DIS3L2: variants seen among roughly 807,000 people sequenced by gnomAD.
The protein encoded by DIS3L2 is DIS3-like exonuclease 2.
In DIS3L2, 34 loss-of-function variants were observed where a neutral mutation model predicts 97.5. The ratio of observed to expected loss-of-function variants is 0.35; its 90% confidence interval spans 0.27 to 0.46. DIS3L2 has a LOEUF of 0.46. Ranked by LOEUF, DIS3L2 falls within the 20% of genes least tolerant of loss-of-function variation. The pLI, the probability that DIS3L2 is intolerant of heterozygous loss-of-function variation, is 1.00. For missense variants in DIS3L2, 1,038 were observed against 1,146.0 expected (o/e 0.91, Z 1.36); for synonymous variants, 435 against 445.2 (o/e 0.98, Z 0.29).
intron 13 of DIS3L2, among the ~76,000 whole-genome samples, chr2:232,288,776 G>A (rs556069312): frequency 2.6e-4 from 40 of 152,248 alleles, no homozygotes; most frequent in Middle Eastern, 3.4e-3. Context: ...TCATCAGTCT[G>A]TGTTTAAACT....
At chr2:232,084,795 T>C (rs1011240808) in intron 5 of DIS3L2, among the ~76,000 whole-genome samples, 8 of 65,004 alleles carry the variant, frequency 1.2e-4, no homozygotes, top group African/African-American at 6.3e-4. Flanking sequence ...AGCACAGTTT[T>C]GCTCAAAAAA....
At chr2:231,988,809 A>G (rs1348573982) in intron 1 of DIS3L2, among the ~76,000 whole-genome samples, 1 of 152,266 alleles carries the variant, frequency 6.6e-6, no homozygotes, top group African/African-American at 2.4e-5. Flanking sequence ...TTTGAAAAAA[A>G]TAAATAACTA....
chr2:232,035,656 A>G (rs888068975), intron 5 of DIS3L2, among the ~76,000 whole-genome samples: 3 of 151,774 alleles, frequency 2.0e-5, no homozygotes, highest in African/African-American at 7.3e-5. Flanking sequence ...TCCTTTCCAT[A>G]TTTAGTGCTT....
At chr2:232,250,606 A>G (rs1693389443) in intron 12 of DIS3L2, among the ~76,000 whole-genome samples, 2 of 152,166 alleles carry the variant, frequency 1.3e-5, no homozygotes, top group South Asian at 2.1e-4. Flanking sequence ...AACAGTATTG[A>G]AAGTTTATTT....
At chr2:232,341,655 A>G (rs1272302831), downstream of DIS3L2, among the ~76,000 whole-genome samples, 3 of 152,184 alleles carry the variant, frequency 2.0e-5, no homozygotes, top group Non-Finnish European at 4.4e-5. Flanking sequence ...CTAAATGCTC[A>G]TTTTCCTCAG....
intron 5 of DIS3L2, among the ~76,000 whole-genome samples, chr2:232,041,149 G>A (rs1216241453): frequency 6.6e-6 from 1 of 152,308 alleles, no homozygotes; most frequent in East Asian, 1.9e-4. Flanking sequence ...ATGGAGACAG[G>A]TGTTGAGAAT....
intron 6 of DIS3L2, among the ~76,000 whole-genome samples, chr2:232,114,229 A>G (rs1436229707): frequency 1.3e-5 from 1 of 77,812 alleles, no homozygotes; most frequent in African/African-American, 5.1e-5. Context: ...CCCCCACCCC[A>G]AAGACTAGAG....
At chr2:232,274,244 G>C (rs1288745890) in intron 13 of DIS3L2, among the ~76,000 whole-genome samples, 1 of 152,076 alleles carries the variant, frequency 6.6e-6, no homozygotes, top group Non-Finnish European at 1.5e-5. Flanking sequence ...TTGACAAATG[G>C]AACAGAATTT....
At chr2:232,015,374 T>C in intron 2 of DIS3L2, 140 bp from the exon 3 acceptor site, 1 of 1,154,686 alleles carries the variant, frequency 8.7e-7, no homozygotes, top group Non-Finnish European at 1.2e-6. Flanking sequence ...TCCTTTTTGT[T>C]ATTGTTAAAA....
intron 8 of DIS3L2, among the ~76,000 whole-genome samples, chr2:232,138,201 T>C (rs73003134): frequency 0.011 from 1,717 of 152,322 alleles, 17 homozygotes; most frequent in Non-Finnish European, 0.016. Flanking sequence ...TTTTATTTTT[T>C]TTATAGCTGA....
At chr2:232,061,628 G>A (rs926442985) in intron 5 of DIS3L2, among the ~76,000 whole-genome samples, 3 of 152,080 alleles carry the variant, frequency 2.0e-5, no homozygotes, top group African/African-American at 7.2e-5. Flanking sequence ...AATTTTATAT[G>A]TGGCAGCCAG....
chr2:232,343,468 G>C (rs1264580581), exon 14 of DIS3L2: 2 of 1,555,836 alleles, frequency 1.3e-6, no homozygotes, highest in Non-Finnish European at 1.7e-6. Context: ...ATGTGACAGG[G>C]ATCCAGACAC....
chr2:232,314,220 C>T (rs1045067574), intron 14 of DIS3L2, among the ~76,000 whole-genome samples: 17 of 152,236 alleles, frequency 1.1e-4, no homozygotes, highest in Non-Finnish European at 1.6e-4. Flanking sequence ...GTCATTCTGT[C>T]GCCTGTTGTC....
chr2:232,334,252 G>A, intron 17 of DIS3L2, 117 bp from the exon 18 acceptor site: 1 of 1,339,482 alleles, frequency 7.5e-7, no homozygotes. Context: ...CCTGGGAGCT[G>A]GGTGCTTGGG....
chr2:232,280,552 A>T lies in DIS3L2; in HGVS notation c.1659+17112A>T, dbSNP rs190318836. Among the ~76,000 whole-genome samples the T allele has an allele frequency of 2.0e-5, 3 of 152,252 alleles. No individual in the cohort carries two copies. The South Asian group carries it at 6.2e-4, about 31-fold the overall frequency. On this transcript the variant is annotated intron_variant, in intron 13 of 20. Coordinates refer to ENST00000325385, the MANE Select transcript of DIS3L2 (RefSeq NM_152383.5). ...CATAACTGAGAGGCTTTAAAAAATT[A>T]TAGTCAACAAGGCAGCTTGCTAGTT...
intron 13 of DIS3L2, among the ~76,000 whole-genome samples, chr2:232,265,731 A>G (rs1292982569): frequency 6.6e-6 from 1 of 152,244 alleles, no homozygotes. Context: ...ATTCAGTTGT[A>G]AAACAGGGGA....
In DIS3L2 at chr2:232,087,544, C is replaced by A. The variant is rs878855227; in HGVS notation, c.424C>A (p.Pro142Thr). ...ETEAAYESDIPEELCGHHLPQ... is the reference protein window; with the variant it reads ...ETEAAYESDITEELCGHHLPQ... ...AGAAGCTGCGTATGAATCAGATATC[C>A]CCGAGGAGCTCTGTGGACACCATCT... The change falls in exon 6 of 21, where the codon CCC becomes ACC. Residue 142 changes from proline to threonine, a missense_variant. Pro to Thr is a conservative substitution (Grantham distance 38). This residue lies in a region of DIS3L2 where 813 missense variants were observed against 880.1 expected (regional missense o/e 0.92). Coordinates refer to ENST00000325385, the MANE Select transcript of DIS3L2 (RefSeq NM_152383.5). The A allele has an allele frequency of 5.0e-6, 8 of 1,613,844 alleles. No individual in the cohort carries two copies. The highest frequency in any genetic ancestry group is 6.8e-6 in the Non-Finnish European group (8 of 1,179,956).
At chr2:232,095,540 T>A (rs1696980418) in intron 6 of DIS3L2, among the ~76,000 whole-genome samples, 1 of 152,206 alleles carries the variant, frequency 6.6e-6, no homozygotes, top group Non-Finnish European at 1.5e-5. Flanking sequence ...TTGTAGTTAT[T>A]ATTTTTAATT....
At chr2:232,046,473 A>G (rs1336507508) in intron 5 of DIS3L2, among the ~76,000 whole-genome samples, 1 of 152,222 alleles carries the variant, frequency 6.6e-6, no homozygotes, top group Non-Finnish European at 1.5e-5. Context: ...CTCTTAAGAT[A>G]AAGATTAGTT....
Sources: allele counts gnomAD v4.1 joint callset (sites outside exome capture counted in the v4.1 genomes callset), GRCh38; gene constraint gnomAD v4.1.1; regional missense constraint gnomAD v4.1.1; transcripts MANE v1.5; gene names NCBI Gene and HGNC (gene_info 2026-07-23, HGNC 2026-07-21).